SEC16A: variants seen among roughly 807,000 people sequenced by gnomAD.
SEC16A encodes SEC16 homolog A, endoplasmic reticulum export factor.
SEC16A carries 110 observed loss-of-function variants against 221.9 expected under a neutral mutation model. The ratio of observed to expected loss-of-function variants is 0.50; its 90% CI spans 0.42 to 0.58. SEC16A has a LOEUF of 0.58. SEC16A is among the 20% of genes least tolerant of loss of function. The pLI, the probability that SEC16A is intolerant of heterozygous loss-of-function variation, is 0.00. For synonymous variants in SEC16A, 1,393 were observed against 1,257.7 expected (o/e 1.11, Z -2.28); for missense variants, 3,165 against 3,097.8 (o/e 1.02, Z -0.52).
chr9:136,464,809 A>T (rs1839944948), intron 8 of SEC16A, among the ~76,000 whole-genome samples: 2 of 152,258 alleles, frequency 1.3e-5, no homozygotes, highest in Non-Finnish European at 1.5e-5. Flanking sequence ...AAGCTCCCGC[A>T]ACACCCTCAT....
chr9:136,460,625 A>G (rs57242780), intron 13 of SEC16A, among the ~76,000 whole-genome samples: 18,059 of 151,024 alleles, frequency 0.12, 1,377 homozygotes, highest in Admixed American at 0.24. Context: ...GCTGTAAAAG[A>G]TAAGGCCAGG....
At chr9:136,469,651 G>T (rs889042071) in intron 4 of SEC16A, among the ~76,000 whole-genome samples, 84 of 152,332 alleles carry the variant, frequency 5.5e-4, no homozygotes, top group African/African-American at 1.9e-3. Context: ...GGCTAAAAGG[G>T]TGAGACCTAA....
chr9:136,453,449 A>T lies in SEC16A; in HGVS notation c.6138T>A (p.Phe2046Leu). The T allele has an allele frequency of 6.2e-7, 1 of 1,613,290 alleles. No homozygotes were observed. The highest frequency in any genetic ancestry group is 8.5e-7 in the Non-Finnish European group (1 of 1,179,274). ...GTACCAGATTAGCAAATTTTCCATC[A>T]AAATTTTCTTCGCTTAGCTCGGAAA... Reference protein sequence around the residue: ...NSLSELSEENFDGKFANLTPS... With the variant: ...NSLSELSEENLDGKFANLTPS... Residue 2046 changes from phenylalanine to leucine, a missense_variant, in exon 22 of 32, where the codon TTT (phenylalanine) becomes TTA (leucine). Phe to Leu is a conservative substitution (Grantham distance 22). This residue lies in a region of SEC16A where 1,088 missense variants were observed against 1,089.6 expected (regional missense o/e 1.00). Transcript: ENST00000684901.
At chr9:136,468,363 C>CT in intron 5 of SEC16A, 52 bp downstream of exon 5, 1 of 1,197,772 alleles carries the variant, frequency 8.3e-7, no homozygotes, top group Non-Finnish European at 1.2e-6. Context: ...TCATCAGTGT[C>CT]TTTTGCACAA....
At chr9:136,477,740 G>A in intron 2 of SEC16A, 56 bp from the exon 3 acceptor site, 2 of 1,405,210 alleles carry the variant, frequency 1.4e-6, no homozygotes, top group Non-Finnish European at 1.9e-6. Flanking sequence ...AGTCCTAGCT[G>A]CAATCAGGAA....
In SEC16A at chr9:136,475,838, G is replaced by T. The variant is rs1350307764; in HGVS notation, c.1778C>A (p.Thr593Asn). The change falls in exon 3 of 32, where the codon ACC (threonine) becomes AAC (asparagine). Residue 593 changes from threonine (T) to asparagine (N), a missense_variant. This residue lies in a region of SEC16A where 2,030 missense variants were observed against 1,923.1 expected (regional missense o/e 1.06). Coordinates refer to ENST00000684901, the MANE Select transcript of SEC16A (RefSeq NM_014866.2). This position sits in a 1 kb window ranked among gnomAD's most constrained non-coding sequence, Gnocchi z 5.0. Reference protein sequence around the residue: ...NYRGSVSQPSTPSPPKPTGIF... With the variant: ...NYRGSVSQPSNPSPPKPTGIF... Reference sequence around the variant, plus strand: ...TCCTGTAGGTTTCGGGGGGCTCGGGGTTGAGGGCTGGGACACGCTGCCACG... The same window carrying T: ...TCCTGTAGGTTTCGGGGGGCTCGGGTTTGAGGGCTGGGACACGCTGCCACG... The T allele has an allele frequency of 1.3e-6, 2 of 1,586,118 alleles. No homozygotes were observed. The highest frequency in any genetic ancestry group is 1.7e-6 in the Non-Finnish European group (2 of 1,165,964).
rs45517843 is a variant in SEC16A at position 136,445,143 on chromosome 9, G to A, written c.6868-32C>T. ...AACAGCAAGAACACACATAAAACAC[G>A]GACGAAAGTCAACATGCACGTCACT... On this transcript the variant is annotated intron_variant, in intron 29 of 31. Transcript: ENST00000684901. The A allele has an allele frequency of 4.3e-3, 6,778 of 1,578,394 alleles. 253 individuals carry two copies. In the African/African-American group the frequency reaches 0.076, roughly 18 times the overall value.
intron 4 of SEC16A, among the ~76,000 whole-genome samples, chr9:136,469,056 C>T (rs1213060730): frequency 6.6e-6 from 1 of 152,104 alleles, no homozygotes; most frequent in East Asian, 1.9e-4. Flanking sequence ...CACCATGTTG[C>T]CGAGGCTGGT....
Position 136,454,260 on chromosome 9 carries a change from C to T in SEC16A, c.5925G>A (p.Leu1975=), listed in dbSNP as rs369163806. 1.3e-6 allele frequency: 2 copies of T among 1,581,726 alleles called. No homozygotes were observed. The highest frequency in any genetic ancestry group is 2.3e-5 in the East Asian group (1 of 43,462). ...PARVPMFPVP[L]PPGPLEPGPG... The stretch of plus-strand genomic sequence containing the variant: ...GACCCGGCTCCAGGGGCCCCGGGGG[C>T]AGTGGCACTGGGAACATCGGCACTC... Residue 1975 remains leucine (L), a synonymous_variant, in exon 21 of 32, where the codon CTG becomes CTA. Coordinates refer to ENST00000684901, the MANE Select transcript of SEC16A (RefSeq NM_014866.2).
At chr9:136,458,916 C>T (rs1839096266) in intron 17 of SEC16A, among the ~76,000 whole-genome samples, 1 of 152,104 alleles carries the variant, frequency 6.6e-6, no homozygotes, top group Admixed American at 6.5e-5. Flanking sequence ...AAAAAAAAAG[C>T]TCATGAAAAT....
rs1454490910 is a variant in SEC16A, at chr9:136,466,975, T to G, written c.3911A>C (p.His1304Pro). Residue 1304 changes from histidine to proline, a missense_variant, in exon 6 of 32, where the codon CAC becomes CCC. Around this residue, in one of 3 missense-constraint regions of SEC16A, gnomAD observed 2,030 missense variants for 1,923.1 expected, o/e 1.06. Coordinates refer to ENST00000684901, the MANE Select transcript of SEC16A (RefSeq NM_014866.2). This position sits in a 1 kb window ranked among gnomAD's most constrained non-coding sequence, Gnocchi z 5.5. ...DAEYDAYRREHSAFGDRPEKR... is the reference protein window; with the variant it reads ...DAEYDAYRREPSAFGDRPEKR... ...CACCAACCTGTCCCCGAAGGCAGAG[T>G]GCTCTCTCCTGTATGCGTCATACTC... 4.3e-6 allele frequency: 7 copies of G among 1,613,320 alleles called. No homozygotes were observed. Among genetic ancestry groups the G allele is most frequent in the Non-Finnish European group, 5.9e-6 (7 of 1,179,708 alleles).
rs1180238560 is a variant in SEC16A, at chr9:136,483,001, GCA to G, written c.-257_-256del. 5.1e-6 allele frequency: 5 copies of G among 985,262 alleles called. No individual in the cohort carries two copies. The South Asian group carries it at 1.9e-4, about 37-fold the overall frequency. 61.0% of individuals were successfully genotyped at this position (985,262 alleles called of 1,614,324 possible). A position where few individuals can be genotyped will look rare whatever the true frequency, so the allele number is the denominator to read the frequency against. On this transcript the variant is annotated 5_prime_UTR_variant, in exon 1 of 32. It removes the in-frame stop codon of an upstream open reading frame in the 5' UTR. Coordinates refer to ENST00000684901, the MANE Select transcript of SEC16A (RefSeq NM_014866.2). ...AAAGCCCACCCGACGCTGGCGACGA[GCA>G]CAGACACCTCAGCCGCCGCAGCCAT...
At chr9:136,462,251 C>A (rs544473532) in intron 12 of SEC16A, among the ~76,000 whole-genome samples, 1 of 152,376 alleles carries the variant, frequency 6.6e-6, no homozygotes, top group African/African-American at 2.4e-5. Flanking sequence ...TGGCCTCTCT[C>A]CTGCTTAGCA....
intron 19 of SEC16A, 31 bp downstream of exon 19, chr9:136,456,022 G>A (rs918842063): frequency 5.8e-6 from 9 of 1,548,806 alleles, no homozygotes; most frequent in Middle Eastern, 1.8e-4. Flanking sequence ...CTTGCCAGAC[G>A]CCTCTGTGCC....
Position 136,463,757 on chromosome 9 carries a change from G to A in SEC16A, c.4447-17C>T, listed in dbSNP as rs765080285. The A allele has an allele frequency of 2.5e-5, 40 of 1,610,898 alleles. No homozygotes were observed. The highest frequency in any genetic ancestry group is 6.7e-5 in the East Asian group (3 of 44,892). On this transcript the variant is annotated splice_polypyrimidine_tract_variant and intron_variant, in intron 9 of 31. Transcript: ENST00000684901. ...CAGCAAGGCCTACGAGGAGAGGGCC[G>A]TGGGTCAGTGGCAGCCAGTGCGCAG...
chr9:136,477,156 T>G lies in SEC16A; in HGVS notation c.460A>C (p.Thr154Pro), dbSNP rs773898627. 1.9e-6 allele frequency: 3 copies of G among 1,613,528 alleles called. No homozygotes were observed. Among genetic ancestry groups the G allele is most frequent in the South Asian group, 2.2e-5 (2 of 91,066 alleles). ...ATGTAGTGAGGAAGATATGGCAGAG[T>G]CTGAACTTCAGGCTCTGAACTGGGA... Reference protein sequence around the residue: ...VGPSSEPEVQTLPYLPHYIPG... With the variant: ...VGPSSEPEVQPLPYLPHYIPG... The change falls in exon 3 of 32, where the codon ACT becomes CCT. Residue 154 changes from threonine to proline, a missense_variant. By Grantham distance (38) the Thr-to-Pro change is conservative (BLOSUM62 -1). Transcript: ENST00000684901.
At chr9:136,471,217 A>G (rs990587668) in intron 4 of SEC16A, among the ~76,000 whole-genome samples, 5 of 151,972 alleles carry the variant, frequency 3.3e-5, no homozygotes, top group African/African-American at 1.2e-4. Context: ...CTGTAATCCT[A>G]GCACTTTGGG....
chr9:136,456,389 G>A (rs903002998), intron 18 of SEC16A, among the ~76,000 whole-genome samples: 1 of 152,200 alleles, frequency 6.6e-6, no homozygotes, highest in African/African-American at 2.4e-5. Context: ...GCACTGGGTT[G>A]GCAGTGCTAG....
In SEC16A at chr9:136,474,950, G is replaced by A. The variant is rs1348828710; in HGVS notation, c.2666C>T (p.Pro889Leu). Residue 889 changes from proline to leucine, a missense_variant, in exon 3 of 32, where the codon CCA (proline) becomes CTA (leucine). By Grantham distance (98) the Pro-to-Leu change is moderately conservative. Around this residue, in one of 3 missense-constraint regions of SEC16A, gnomAD observed 2,030 missense variants for 1,923.1 expected, o/e 1.06. Transcript: ENST00000684901. The part of the protein sequence containing the change: ...SGENTSLSGI[P>L]TSSVLSLSLP... ...AGACAAGCTAAGGACAGAGCTGGTTGGAATCCCAGACAAAGAAGTGTTCTC... is the reference window on the plus strand; with the variant it reads ...AGACAAGCTAAGGACAGAGCTGGTTAGAATCCCAGACAAAGAAGTGTTCTC... The A allele has an allele frequency of 5.0e-6, 8 of 1,613,674 alleles. No homozygotes were observed. The highest frequency in any genetic ancestry group is 2.2e-5 in the East Asian group (1 of 44,892).
Sources: gnomAD v4.1 joint callset for allele counts (sites outside exome capture counted in the v4.1 genomes callset) on GRCh38, gnomAD v4.1.1 for gene constraint, gnomAD v4.1.1 regional missense constraint, Gnocchi (gnomAD v3.1) non-coding constraint, MANE v1.5 for transcripts, NCBI Gene and HGNC (gene_info 2026-07-23, HGNC 2026-07-21) for gene names.